RYR3: variants seen among roughly 807,000 people sequenced by gnomAD.
The protein encoded by RYR3 is ryanodine receptor 3.
Under a neutral mutation model 584.3 loss-of-function variants are expected in RYR3, and 207 were observed. That is an observed-to-expected ratio of 0.35 (90% CI 0.32 to 0.40). The LOEUF (loss-of-function observed/expected upper bound fraction) is 0.40. Among genes scored for constraint, RYR3 ranks in the 10% least tolerant of loss-of-function variants. The pLI, the probability that RYR3 is intolerant of heterozygous loss-of-function variation, is 1.00. For synonymous variants in RYR3, 2,416 were observed against 2,248.5 expected, an observed-to-expected ratio of 1.07 and a Z score of -2.11; for missense variants, 5,616 against 6,089.2, an observed-to-expected ratio of 0.92 and a Z score of 2.59.
intron 1 of RYR3, among the ~76,000 whole-genome samples, chr15:33,346,187 A>G (rs1001939859): frequency 7.9e-5 from 12 of 152,240 alleles, no homozygotes; most frequent in Non-Finnish European, 1.3e-4. Context: ...TTAGAGAAAT[A>G]CAACACTAGA....
At chr15:33,419,743 T>C (rs947772119) in intron 1 of RYR3, among the ~76,000 whole-genome samples, 4 of 152,164 alleles carry the variant, frequency 2.6e-5, no homozygotes, top group Admixed American at 1.3e-4. Flanking sequence ...CATGGTAGTA[T>C]GGTACCAACT....
At chr15:33,823,441 G>T (rs550245779) in intron 81 of RYR3, among the ~76,000 whole-genome samples, 1 of 152,182 alleles carries the variant, frequency 6.6e-6, no homozygotes, top group Admixed American at 6.5e-5. Flanking sequence ...GAAAAGGGGG[G>T]ATTCCTGACT....
At chr15:33,514,272 TC>T (rs1432581657) in intron 3 of RYR3, among the ~76,000 whole-genome samples, 1 of 152,168 alleles carries the variant, frequency 6.6e-6, no homozygotes, top group African/African-American at 2.4e-5. Context: ...CCTGGTGCCA[TC>T]CTATTAAGGA....
rs1246698572 is a variant in RYR3, at chr15:33,550,322, G to C, written c.972+6G>C. 2 of 1,610,366 alleles carry C rather than the reference G, an allele frequency of 1.2e-6. No individual in the cohort carries two copies. Among genetic ancestry groups the C allele is most frequent in the Non-Finnish European group, 8.5e-7 (1 of 1,178,378 alleles). The stretch of plus-strand genomic sequence containing the variant: ...TCTCTTTCCGGGCATCAAAGGTAAG[G>C]TGTGATAAAGTGGACTTTGACCCTG... On this transcript the variant is annotated splice_donor_region_variant and intron_variant, in intron 10 of 103. Coordinates refer to ENST00000634891, the MANE Select transcript of RYR3 (RefSeq NM_001036.6).
At chr15:33,419,845 A>G (rs1028357993) in intron 1 of RYR3, among the ~76,000 whole-genome samples, 1 of 152,162 alleles carries the variant, frequency 6.6e-6, no homozygotes, top group Non-Finnish European at 1.5e-5. Flanking sequence ...GATGTACTAC[A>G]TATGTATAAA....
chr15:33,845,231 C>T (rs905916043), intron 93 of RYR3, among the ~76,000 whole-genome samples, 169 bp downstream of exon 93: 1 of 152,156 alleles, frequency 6.6e-6, no homozygotes, highest in Non-Finnish European at 1.5e-5. Flanking sequence ...TGCAGAGTCT[C>T]AGGCCTCACC....
At chr15:33,788,166 T>C in intron 66 of RYR3, 52 bp from the exon 67 acceptor site, 2 of 1,607,642 alleles carry the variant, frequency 1.2e-6, no homozygotes, top group Non-Finnish European at 1.7e-6. Context: ...TCTTTCATTT[T>C]CATCAATTGC....
intron 94 of RYR3, chr15:33,851,426 C>G (rs2079104156): frequency 6.6e-6 from 1 of 152,068 alleles, no homozygotes; most frequent in African/African-American, 2.4e-5. Context: ...GTATGTTTCC[C>G]TGATTACTAA....
At chr15:33,729,197 A>G (rs1189094709) in intron 47 of RYR3, among the ~76,000 whole-genome samples, 171 bp downstream of exon 47, 2 of 152,228 alleles carry the variant, frequency 1.3e-5, no homozygotes, top group Non-Finnish European at 2.9e-5. Context: ...TTATTGGGCC[A>G]GAGACTTAGA....
intron 1 of RYR3, among the ~76,000 whole-genome samples, chr15:33,318,548 G>A (rs1968517803): frequency 6.6e-6 from 1 of 152,222 alleles, no homozygotes; most frequent in Non-Finnish European, 1.5e-5. Flanking sequence ...AGAGGGGCAA[G>A]CCTGAGTAGG....
chr15:33,713,957 C>T (rs562116649), intron 43 of RYR3, among the ~76,000 whole-genome samples: 1 of 152,242 alleles, frequency 6.6e-6, no homozygotes, highest in East Asian at 1.9e-4. Context: ...AGGATTTCAA[C>T]ATGAATTTTG....
At chr15:33,380,635 T>A (rs1335292365) in intron 1 of RYR3, among the ~76,000 whole-genome samples, 1 of 152,246 alleles carries the variant, frequency 6.6e-6, no homozygotes, top group Non-Finnish European at 1.5e-5. Context: ...TTCATGCATC[T>A]TCCAAAGTAC....
intron 48 of RYR3, among the ~76,000 whole-genome samples, chr15:33,732,541 C>G (rs2069063427): frequency 6.6e-6 from 1 of 152,048 alleles, no homozygotes; most frequent in Non-Finnish European, 1.5e-5. Flanking sequence ...TAAAGTCACC[C>G]CAAGAGCCTT....
chr15:33,571,395 C>T (rs891740043), intron 12 of RYR3, among the ~76,000 whole-genome samples: 8 of 152,030 alleles, frequency 5.3e-5, no homozygotes, highest in South Asian at 2.1e-4. Flanking sequence ...GGTGGAGAAT[C>T]GGGTATTGAT....
chr15:33,670,429 G>T lies in RYR3; in HGVS notation c.5733G>T (p.Leu1911Phe), dbSNP rs755897292. 3 of 1,613,288 alleles carry T rather than the reference G, an allele frequency of 1.9e-6. No homozygotes were observed. Among genetic ancestry groups the T allele is most frequent in the African/African-American group, 2.7e-5 (2 of 74,850 alleles). The change falls in exon 38 of 104, where the codon TTG becomes TTT. Residue 1911 changes from leucine (L) to phenylalanine (F), a missense_variant. This residue lies in a region of RYR3 where 1,280 missense variants were observed against 1,426.2 expected (regional missense o/e 0.90). Coordinates refer to ENST00000634891, the MANE Select transcript of RYR3 (RefSeq NM_001036.6). ...EDLLLHCGVP[L>F]EEEEEEEEDT... ...TCTGTGGCTTGCTAGGGGTTCCTTTGGAAGAAGAGGAAGAGGAGGAGGAGG... is the reference window on the plus strand; with the variant it reads ...TCTGTGGCTTGCTAGGGGTTCCTTTTGAAGAAGAGGAAGAGGAGGAGGAGG...
chr15:33,614,364 C>G (rs2060345256), intron 19 of RYR3, among the ~76,000 whole-genome samples: 1 of 151,938 alleles, frequency 6.6e-6, no homozygotes, highest in Admixed American at 6.6e-5. Context: ...AAGCACATCT[C>G]TAATGATTTC....
intron 98 of RYR3, among the ~76,000 whole-genome samples, chr15:33,855,660 GCCAATGAT>G (rs2153003095): frequency 2.5e-5 from 2 of 79,736 alleles, no homozygotes; most frequent in South Asian, 8.0e-4. Context: ...CCAATTAAGA[GCCAATGAT>G]TTCAGATACA....
intron 27 of RYR3, among the ~76,000 whole-genome samples, chr15:33,640,681 A>G (rs995649808): frequency 6.6e-6 from 1 of 152,198 alleles, no homozygotes; most frequent in Non-Finnish European, 1.5e-5. Flanking sequence ...TACCAAGTGT[A>G]TCAGAACTGG....
chr15:33,864,468 T>C (rs1253330000), intron 103 of RYR3, among the ~76,000 whole-genome samples: 2 of 152,096 alleles, frequency 1.3e-5, no homozygotes, highest in Non-Finnish European at 2.9e-5. Context: ...AGAAATTGTC[T>C]GACAATAAGA....
Sources: gnomAD v4.1 joint callset for allele counts (sites outside exome capture counted in the v4.1 genomes callset) on GRCh38, gnomAD v4.1.1 for gene constraint, gnomAD v4.1.1 regional missense constraint, MANE v1.5 for transcripts, NCBI Gene and HGNC (gene_info 2026-07-23, HGNC 2026-07-21) for gene names.